The following CES5A variants were observed in gnomAD, a reference collection of about 807,000 sequenced individuals.
The protein encoded by CES5A is carboxylesterase 5A, also known as carboxylesterase 5.
CES5A carries 67 observed loss-of-function variants against 62.9 expected under a neutral mutation model. The ratio of observed to expected loss-of-function variants is 1.07; its 90% CI spans 0.88 to 1.31. The LOEUF (loss-of-function observed/expected upper bound fraction) is 1.31. Ranked by LOEUF, CES5A falls within the 50% of genes most tolerant of loss-of-function variation. CES5A has a pLI of 0.00. For missense variants in CES5A, 748 were observed against 708.5 expected, an observed-to-expected ratio of 1.06 and a Z score of -0.63; for synonymous variants, 296 against 280.8, an observed-to-expected ratio of 1.05 and a Z score of -0.54.
At chr16:55,955,803 G>A (rs1331156734) in intron 1 of CES5A, 1 of 1,531,536 alleles carries the variant, frequency 6.5e-7, no homozygotes, top group African/African-American at 1.4e-5. Flanking sequence ...GTGGGTTTGG[G>A]GGTGGGGTCC....
rs1597146548 is a variant in CES5A, at chr16:55,911,231, C to T, written c.-256+14092G>A. Among the ~76,000 whole-genome samples, 3 of 152,266 alleles carry T rather than the reference C, an allele frequency of 2.0e-5. No individual in the cohort carries two copies. In the South Asian group the frequency reaches 6.2e-4, roughly 32 times the overall value. On this transcript the variant is annotated intron_variant, in intron 1 of 12. Coordinates refer to the CES5A transcript ENST00000518005. ...ACTGTGTCCCAGGTATATCTGTGCT[C>T]CCGCTTACAGACAGGAAAACAGAAG...
At chr16:55,929,327 T>C (rs1195246812), upstream of CES5A, among the ~76,000 whole-genome samples, 1 of 152,172 alleles carries the variant, frequency 6.6e-6, no homozygotes, top group Non-Finnish European at 1.5e-5. Context: ...AGTCACATAG[T>C]GCAGATGGGC....
intron 1 of CES5A, among the ~76,000 whole-genome samples, chr16:55,908,172 C>T (rs1311523620): frequency 6.6e-6 from 1 of 152,088 alleles, no homozygotes; most frequent in Non-Finnish European, 1.5e-5. Flanking sequence ...CTTAAATCAG[C>T]CTAACTCTCC....
intron 2 of CES5A, among the ~76,000 whole-genome samples, chr16:55,943,125 A>G (rs2034461657): frequency 6.6e-6 from 1 of 152,222 alleles, no homozygotes; most frequent in Admixed American, 6.5e-5. Flanking sequence ...ATGAAATTGA[A>G]CATTTTAGAG....
upstream of CES5A, chr16:55,875,377 C>A: frequency 7.0e-7 from 1 of 1,427,864 alleles, no homozygotes; most frequent in Non-Finnish European, 9.1e-7. Flanking sequence ...GAACAATATT[C>A]TCAAAGGAAT....
chr16:55,892,966 A>C (rs1380832614), intron 1 of CES5A, among the ~76,000 whole-genome samples: 4 of 152,120 alleles, frequency 2.6e-5, no homozygotes, highest in Non-Finnish European at 5.9e-5. Context: ...ACAAGGAAAA[A>C]TCACCTAAAC....
chr16:55,865,516 G>A (rs573046125), intron 5 of CES5A, among the ~76,000 whole-genome samples: 3 of 152,304 alleles, frequency 2.0e-5, no homozygotes, highest in South Asian at 2.1e-4. Context: ...GTTGGAAATC[G>A]AGTCAGCAGA....
At chr16:55,938,931 GGTT>G (rs1567362593) in intron 2 of CES5A, among the ~76,000 whole-genome samples, 2 of 150,354 alleles carry the variant, frequency 1.3e-5, no homozygotes, top group Admixed American at 6.6e-5. Context: ...TGGGGTGGGG[GGTT>G]GTTGTTAATT....
intron 9 of CES5A, among the ~76,000 whole-genome samples, chr16:55,854,310 C>T (rs2033189241): frequency 6.6e-6 from 1 of 152,086 alleles, no homozygotes; most frequent in Non-Finnish European, 1.5e-5. Flanking sequence ...ACTTCCCACT[C>T]TACTTGAAAT....
rs1435083293 is a variant in CES5A at position 55,856,445 on chromosome 16, T to C, written c.1057A>G (p.Lys353Glu). 1.9e-6 allele frequency: 3 copies of C among 1,614,020 alleles called. No individual in the cohort carries two copies. The South Asian group carries it at 3.3e-5, about 18-fold the overall frequency. The part of the protein sequence containing the change: ...NHECGFLLPM[K>E]EAPEILSGSN... ...CCACTGAGGATCTCAGGAGCCTCCT[T>C]CTGTGGAGAGAAGCGTGCCCTCTGT... Residue 353 changes from lysine to glutamate, a missense_variant and splice_region_variant, in exon 9 of 13, where the codon AAG becomes GAG. Transcript: ENST00000290567.
chr16:55,875,462 T>G (rs2033679200), upstream of CES5A: 1 of 989,086 alleles, frequency 1.0e-6, no homozygotes, highest in African/African-American at 1.7e-5. Context: ...GAAAGATAAT[T>G]TGATAGGCTT....
chr16:55,888,568 T>C (rs1342835987), intron 1 of CES5A, among the ~76,000 whole-genome samples: 1 of 152,212 alleles, frequency 6.6e-6, no homozygotes, highest in Non-Finnish European at 1.5e-5. Context: ...GTTCCCTTAT[T>C]CCCTTATTCC....
intron 1 of CES5A, among the ~76,000 whole-genome samples, chr16:55,881,317 G>A (rs2033759066): frequency 6.6e-6 from 1 of 152,164 alleles, no homozygotes; most frequent in African/African-American, 2.4e-5. Context: ...AGGAGAAAAG[G>A]GATTTCCTAG....
intron 10 of CES5A, among the ~76,000 whole-genome samples, chr16:55,850,106 G>C (rs1360245578): frequency 2.0e-5 from 3 of 152,170 alleles, no homozygotes; most frequent in Admixed American, 2.0e-4. Flanking sequence ...TTACTGAACT[G>C]TAAGGGTTCT....
At chr16:55,906,703 G>C (rs2034043349) in intron 1 of CES5A, among the ~76,000 whole-genome samples, 1 of 152,178 alleles carries the variant, frequency 6.6e-6, no homozygotes, top group Non-Finnish European at 1.5e-5. Flanking sequence ...AGGGGAGCTG[G>C]AGAAGACTTT....
chr16:55,859,894 T>C (rs2033318240), intron 7 of CES5A, among the ~76,000 whole-genome samples: 1 of 152,188 alleles, frequency 6.6e-6, no homozygotes, highest in South Asian at 2.1e-4. Context: ...GGGGCTAAAC[T>C]TGTCTGTGCC....
At chr16:55,917,735 A>T (rs1471057151) in intron 1 of CES5A, among the ~76,000 whole-genome samples, 2 of 152,148 alleles carry the variant, frequency 1.3e-5, no homozygotes, top group African/African-American at 2.4e-5. Context: ...GAAGTGAGTC[A>T]TTAAATCCAG....
At chr16:55,893,242 G>C (rs1441541107) in intron 1 of CES5A, among the ~76,000 whole-genome samples, 2 of 151,956 alleles carry the variant, frequency 1.3e-5, no homozygotes, top group Non-Finnish European at 2.9e-5. Flanking sequence ...CTAACCAAAG[G>C]CTCAACCCTT....
intron 8 of CES5A, 148 bp from the exon 9 acceptor site, chr16:55,856,593 G>A: frequency 1.5e-6 from 1 of 651,538 alleles, no homozygotes; most frequent in East Asian, 2.7e-5. Context: ...TGGCCTCAGT[G>A]TGCTTGTCAG....
Sources: gnomAD v4.1 joint callset for allele counts (sites outside exome capture counted in the v4.1 genomes callset) on GRCh38, gnomAD v4.1.1 for gene constraint, MANE v1.5 for transcripts, NCBI Gene and HGNC (gene_info 2026-07-23, HGNC 2026-07-21) for gene names.